Variants in DYM observed in about 807,000 individuals in gnomAD.
DYM encodes dyggve-Melchior-Clausen syndrome protein.
In DYM, 78 loss-of-function variants were observed where a neutral mutation model predicts 93.1. That is an observed-to-expected ratio of 0.84 (90% CI 0.70 to 1.01). The LOEUF (loss-of-function observed/expected upper bound fraction) is 1.01, where lower values mean the gene tolerates loss of function less well. Among genes scored for constraint, DYM ranks in the 50% least tolerant of loss-of-function variants. DYM has a pLI of 0.00. For missense variants in DYM, 789 were observed against 845.0 expected (o/e 0.93, Z 0.82); for synonymous variants, 321 against 319.7 (o/e 1.00, Z -0.04).
At chr18:49,103,845 T>G (rs779423853) in intron 16 of DYM, among the ~76,000 whole-genome samples, 2,298 of 151,496 alleles carry the variant, frequency 0.015, 57 homozygotes, top group African/African-American at 0.053. Context: ...TCAGGTAGCG[T>G]GATGCCTCCA....
rs147244199 is a variant in DYM at position 49,196,173 on chromosome 18, G to A, written c.1625+13378C>T. On this transcript the variant is annotated intron_variant, in intron 14 of 17. Coordinates refer to ENST00000675505, the MANE Select transcript of DYM (RefSeq NM_001353214.3). ...ACTCCTAACCTCAGGTGATCCACCC[G>A]CCTTGGCCTTCCAAAGTGCTGGGAT... Among the ~76,000 whole-genome samples the A allele has an allele frequency of 3.3e-3, 508 of 152,082 alleles. 25 individuals carry two copies. The East Asian group carries it at 0.081, about 24-fold the overall frequency.
chr18:49,273,928 A>T (rs2094778730), intron 10 of DYM, among the ~76,000 whole-genome samples: 1 of 152,120 alleles, frequency 6.6e-6, no homozygotes, highest in Admixed American at 6.6e-5. Context: ...GTATATTCAA[A>T]GAAATAATAA....
At chr18:49,306,476 G>A (rs1215586115) in intron 8 of DYM, among the ~76,000 whole-genome samples, 1 of 152,108 alleles carries the variant, frequency 6.6e-6, no homozygotes, top group East Asian at 1.9e-4. Flanking sequence ...GACAGCCCAT[G>A]GTGCACTAGG....
At chr18:49,105,905 C>A (rs2080749318) in intron 16 of DYM, among the ~76,000 whole-genome samples, 1 of 152,174 alleles carries the variant, frequency 6.6e-6, no homozygotes, top group Non-Finnish European at 1.5e-5. Flanking sequence ...GTGGAGAGTT[C>A]TGTAGATGTC....
At chr18:49,210,172 A>G (rs1327690154) in intron 13 of DYM, among the ~76,000 whole-genome samples, 1 of 152,128 alleles carries the variant, frequency 6.6e-6, no homozygotes, top group Non-Finnish European at 1.5e-5. Flanking sequence ...AACTAAATAT[A>G]CTCTTACCAT....
chr18:49,188,161 G>A (rs1013454592), intron 14 of DYM, among the ~76,000 whole-genome samples: 1 of 152,150 alleles, frequency 6.6e-6, no homozygotes, highest in Non-Finnish European at 1.5e-5. Flanking sequence ...TGGCTGTTTG[G>A]GGGGTAGCAT....
chr18:49,134,051 T>C (rs879896692), intron 15 of DYM, among the ~76,000 whole-genome samples: 4 of 152,108 alleles, frequency 2.6e-5, no homozygotes, highest in Non-Finnish European at 4.4e-5. Flanking sequence ...TAAAACAGGA[T>C]GGATTGATTG....
At chr18:49,394,716 TTA>T (rs2069829075) in intron 2 of DYM, among the ~76,000 whole-genome samples, 1 of 152,208 alleles carries the variant, frequency 6.6e-6, no homozygotes, top group Non-Finnish European at 1.5e-5. Flanking sequence ...CATCAATATC[TTA>T]TAGTTTTCAT....
chr18:49,297,277 T>C (rs2060623138), intron 8 of DYM, among the ~76,000 whole-genome samples: 1 of 152,212 alleles, frequency 6.6e-6, no homozygotes, highest in Non-Finnish European at 1.5e-5. Flanking sequence ...ATGAACAAAC[T>C]ATGCTTCATG....
At chr18:49,328,471 G>C (rs867715974) in intron 8 of DYM, among the ~76,000 whole-genome samples, 8 of 152,122 alleles carry the variant, frequency 5.3e-5, no homozygotes, top group African/African-American at 1.9e-4. Context: ...CACAGCAAAA[G>C]AAACTACCAT....
In DYM at chr18:49,354,297, T is replaced by C. The variant is rs144788992; in HGVS notation, c.494+8864A>G. On this transcript the variant is annotated intron_variant, in intron 6 of 17. Transcript: ENST00000675505. The stretch of plus-strand genomic sequence containing the variant: ...AAAATAGGAGAAAATCCAAATGACC[T>C]TGGGTATGGTGATGACTTTTTGGAT... 4.7e-4 allele frequency among the ~76,000 whole-genome samples: 72 copies of C among 152,146 alleles called. No individual in the cohort carries two copies. In the East Asian group the frequency reaches 0.012, roughly 25 times the overall value.
chr18:49,070,254 G>A (rs763858375), intron 17 of DYM, among the ~76,000 whole-genome samples: 6 of 152,212 alleles, frequency 3.9e-5, no homozygotes, highest in Non-Finnish European at 5.9e-5. Context: ...CTGAGAGCTT[G>A]CTTTGTGCTA....
chr18:49,247,699 C>T (rs562799885), intron 13 of DYM, among the ~76,000 whole-genome samples: 1 of 152,296 alleles, frequency 6.6e-6, no homozygotes, highest in Non-Finnish European at 1.5e-5. Flanking sequence ...GCAGTCTAAA[C>T]TGAAATTAAA....
intron 13 of DYM, among the ~76,000 whole-genome samples, chr18:49,237,903 CTT>C (rs112395450): frequency 3.5e-5 from 5 of 144,880 alleles, no homozygotes; most frequent in African/African-American, 7.6e-5. Context: ...GTACCTTACT[CTT>C]TTTTTTTTTT....
rs367553404 is a variant in DYM, at chr18:49,068,141, C to T, written c.2026-23937G>A. ...GGCTGCTTTGAGAGGGGACTGTGGA[C>T]TGATATTAACAGTTACAGTGTCCCT... On this transcript the variant is annotated intron_variant, in intron 17 of 17. Transcript: ENST00000675505. Among the ~76,000 whole-genome samples, 4 of 152,294 alleles carry T rather than the reference C, an allele frequency of 2.6e-5. No individual in the cohort carries two copies. In the East Asian group the frequency reaches 7.7e-4, roughly 29 times the overall value.
intron 5 of DYM, among the ~76,000 whole-genome samples, chr18:49,373,565 G>C (rs773987884): frequency 7.9e-5 from 12 of 152,054 alleles, no homozygotes; most frequent in African/African-American, 2.4e-5. Context: ...TTATCAGCAA[G>C]GTCTTCATGA....
intron 14 of DYM, among the ~76,000 whole-genome samples, chr18:49,190,930 T>G (rs1287933492): frequency 6.6e-6 from 1 of 152,214 alleles, no homozygotes; most frequent in Non-Finnish European, 1.5e-5. Flanking sequence ...ATATAAAACA[T>G]AAAACATACA....
chr18:49,151,630 A>G (rs2085827185), intron 15 of DYM, among the ~76,000 whole-genome samples: 1 of 152,166 alleles, frequency 6.6e-6, no homozygotes, highest in Admixed American at 6.5e-5. Context: ...TAAAACAAAC[A>G]TTGCCTTTTC....
intron 2 of DYM, among the ~76,000 whole-genome samples, chr18:49,394,856 T>C (rs2069844523): frequency 6.6e-6 from 1 of 152,164 alleles, no homozygotes; most frequent in African/African-American, 2.4e-5. Context: ...AATCCACACA[T>C]GATTTTTGAC....
Sources: allele counts gnomAD v4.1 joint callset (sites outside exome capture counted in the v4.1 genomes callset), GRCh38; gene constraint gnomAD v4.1.1; transcripts MANE v1.5; gene names NCBI Gene and HGNC (gene_info 2026-07-23, HGNC 2026-07-21).